The following ZDHHC7 variants were observed in gnomAD, a reference collection of about 807,000 sequenced individuals.
The protein encoded by ZDHHC7 is zDHHC palmitoyltransferase 7, also known as palmitoyltransferase ZDHHC7.
ZDHHC7 carries 12 observed loss-of-function variants against 34.1 expected under a neutral mutation model. The observed-to-expected ratio is 0.35, with a 90% confidence interval of 0.23 to 0.57. ZDHHC7 has a LOEUF of 0.57. Among genes scored for constraint, ZDHHC7 ranks in the 20% least tolerant of loss-of-function variants. The pLI, the probability that ZDHHC7 is intolerant of heterozygous loss-of-function variation, is 0.84. For synonymous variants in ZDHHC7, 185 were observed against 155.4 expected (o/e 1.19, Z -1.42); for missense variants, 388 against 402.7 (o/e 0.96, Z 0.31).
chr16:84,981,435 A>G (rs1043189665), intron 4 of ZDHHC7, among the ~76,000 whole-genome samples: 5 of 152,248 alleles, frequency 3.3e-5, no homozygotes, highest in Admixed American at 6.5e-5. Context: ...GTGAACGCAC[A>G]ACAGCCTCTC....
rs1349719522 is a variant in ZDHHC7, at chr16:84,985,403, G to T, written c.316-3409C>A. Among the ~76,000 whole-genome samples, 5 of 152,212 alleles carry T rather than the reference G, an allele frequency of 3.3e-5. No individual in the cohort carries two copies. In the East Asian group the frequency reaches 9.6e-4, roughly 29 times the overall value. On this transcript the variant is annotated intron_variant, in intron 3 of 7. Coordinates refer to ENST00000313732, the MANE Select transcript of ZDHHC7 (RefSeq NM_017740.3). ...TGGATCCCCAGGGCCTAACTAAGCG[G>T]CAGGTAAGAATGGGGCCGGGCCTGT...
At chr16:84,997,151 C>A (rs1243044742) in intron 1 of ZDHHC7, among the ~76,000 whole-genome samples, 1 of 151,872 alleles carries the variant, frequency 6.6e-6, no homozygotes, top group Non-Finnish European at 1.5e-5. Context: ...AGGTAAAATT[C>A]ATATTCTTCA....
At chr16:84,999,361 C>T (rs989375049) in intron 1 of ZDHHC7, among the ~76,000 whole-genome samples, 1 of 152,146 alleles carries the variant, frequency 6.6e-6, no homozygotes, top group East Asian at 1.9e-4. Context: ...GATTCCACTT[C>T]CAGGTATTTA....
rs569638658 is a variant in ZDHHC7 at position 84,996,181 on chromosome 16, T to C, written c.-103-174A>G. Among the ~76,000 whole-genome samples the C allele has an allele frequency of 2.6e-5, 4 of 152,352 alleles. No homozygotes were observed. In the East Asian group the frequency reaches 7.7e-4, roughly 29 times the overall value. On this transcript the variant is annotated intron_variant, in intron 1 of 7. Transcript: ENST00000313732. ...GCTCTTCTAAGTTTTGATTACTAGG[T>C]AAATTCACAATCCTGGAAATCAAGT...
chr16:85,024,511 G>A, the ZDHHC7 span, among the ~76,000 whole-genome samples: 7 of 152,300 alleles, frequency 4.6e-5, no homozygotes, highest in East Asian at 7.7e-4. Flanking sequence ...GATTAAAGGC[G>A]TGAGCCACGG....
intron 3 of ZDHHC7, among the ~76,000 whole-genome samples, chr16:84,990,054 G>A (rs1294030120): frequency 6.6e-6 from 1 of 152,160 alleles, no homozygotes; most frequent in Non-Finnish European, 1.5e-5. Flanking sequence ...CAGCCTGAAA[G>A]CCCAGCTGGA....
At chr16:84,976,567 C>T (rs1183850008) in intron 7 of ZDHHC7, 48 bp from the exon 8 acceptor site, 19 of 1,590,306 alleles carry the variant, frequency 1.2e-5, no homozygotes, top group Non-Finnish European at 1.2e-5. Flanking sequence ...GGAAGCTCGG[C>T]AGACCCCACC....
chr16:85,025,704 G>A, the ZDHHC7 span, among the ~76,000 whole-genome samples: 8 of 152,130 alleles, frequency 5.3e-5, no homozygotes, highest in South Asian at 2.1e-4. Context: ...CACCGCGCCC[G>A]GCCCCCTCTC....
the ZDHHC7 span, among the ~76,000 whole-genome samples, chr16:85,024,226 T>G: frequency 7.1e-5 from 10 of 140,878 alleles, no homozygotes; most frequent in Admixed American, 7.8e-4. Context: ...TCTCAGAGTT[T>G]TTTGTTTTTT....
At chr16:84,987,983 C>A (rs1046450460) in intron 3 of ZDHHC7, among the ~76,000 whole-genome samples, 1 of 152,166 alleles carries the variant, frequency 6.6e-6, no homozygotes, top group African/African-American at 2.4e-5. Flanking sequence ...TCCTGGCTAA[C>A]ACGGTGAAAC....
At chr16:84,993,803 T>C (rs1029543827) in intron 2 of ZDHHC7, among the ~76,000 whole-genome samples, 2 of 152,234 alleles carry the variant, frequency 1.3e-5, no homozygotes, top group African/African-American at 2.4e-5. Flanking sequence ...CAACATCCCC[T>C]GCAAACACCT....
the ZDHHC7 span, among the ~76,000 whole-genome samples, chr16:85,019,574 G>A: frequency 3.9e-5 from 6 of 152,062 alleles, no homozygotes; most frequent in East Asian, 1.9e-4. Flanking sequence ...AAAAATAGCC[G>A]GGCGTGGTGG....
chr16:85,000,405 T>C (rs2072638434), intron 1 of ZDHHC7, among the ~76,000 whole-genome samples: 1 of 152,158 alleles, frequency 6.6e-6, no homozygotes, highest in African/African-American at 2.4e-5. Context: ...ACTTTTTTCC[T>C]TGGCTATAAA....
intron 1 of ZDHHC7, among the ~76,000 whole-genome samples, chr16:85,000,913 T>C (rs1366775359): frequency 6.6e-6 from 1 of 152,126 alleles, no homozygotes; most frequent in African/African-American, 2.4e-5. Flanking sequence ...AACAGCTACT[T>C]CTGGAAGAAC....
chr16:84,991,286 C>G lies in ZDHHC7; in HGVS notation c.-17-651G>C, dbSNP rs964657184. On this transcript the variant is annotated intron_variant, in intron 2 of 7. Coordinates refer to ENST00000313732, the MANE Select transcript of ZDHHC7 (RefSeq NM_017740.3). ...CCTGCTTCTAGAATGCCCTTCATCT[C>G]TATTTTAATCTTTTTTTTGAAACCA... is the stretch of plus-strand genomic sequence containing the variant. Among the ~76,000 whole-genome samples the G allele has an allele frequency of 3.9e-5, 6 of 152,020 alleles. No homozygotes were observed. The East Asian group carries it at 1.2e-3, about 29-fold the overall frequency.
chr16:85,018,933 TG>T, the ZDHHC7 span, among the ~76,000 whole-genome samples: 1 of 152,122 alleles, frequency 6.6e-6, no homozygotes, highest in African/African-American at 2.4e-5. Flanking sequence ...CCACAACCTG[TG>T]GTAGATGTTT....
At chr16:85,007,439 A>AAGAATG (rs2072732858) in intron 1 of ZDHHC7, among the ~76,000 whole-genome samples, 2 of 151,472 alleles carry the variant, frequency 1.3e-5, no homozygotes, top group Middle Eastern at 3.5e-3. Context: ...AAAAAAAAAA[A>AAGAATG]GAATGGAATG....
upstream of ZDHHC7, among the ~76,000 whole-genome samples, chr16:85,013,429 G>C (rs1344027759): frequency 2.0e-5 from 3 of 152,066 alleles, no homozygotes; most frequent in Admixed American, 6.5e-5. Context: ...TTTTAGTAAA[G>C]ATAGGGTTTT....
At chr16:84,988,946 G>A in intron 3 of ZDHHC7, 1 of 1,457,140 alleles carries the variant, frequency 6.9e-7, no homozygotes, top group Non-Finnish European at 9.4e-7. Flanking sequence ...CTTTGTCGAA[G>A]TGCCTGGGCA....
Sources: allele counts gnomAD v4.1 joint callset (sites outside exome capture counted in the v4.1 genomes callset), GRCh38; gene constraint gnomAD v4.1.1; transcripts MANE v1.5; gene names NCBI Gene and HGNC (gene_info 2026-07-23, HGNC 2026-07-21).